ARHGEF10: variants seen among roughly 807,000 people sequenced by gnomAD.
ARHGEF10 encodes Rho guanine nucleotide exchange factor (GEF) 10.
Under a neutral mutation model 147.4 loss-of-function variants are expected in ARHGEF10, and 140 were observed. The ratio of observed to expected loss-of-function variants is 0.95; its 90% CI spans 0.83 to 1.09. The LOEUF (loss-of-function observed/expected upper bound fraction) is 1.09. Among genes scored for constraint, ARHGEF10 ranks in the 50% least tolerant of loss-of-function variants. ARHGEF10 has a pLI of 0.00. For synonymous variants in ARHGEF10, 902 were observed against 695.8 expected, an observed-to-expected ratio of 1.30 and a Z score of -4.67; for missense variants, 2,222 against 1,752.7, an observed-to-expected ratio of 1.27 and a Z score of -4.78.
At chr8:1,824,679 C>G (rs1802630397) in intron 1 of ARHGEF10, among the ~76,000 whole-genome samples, 1 of 110,634 alleles carries the variant, frequency 9.0e-6, no homozygotes, top group African/African-American at 3.6e-5. Context: ...CCTGTTTACC[C>G]TGCACCCCAG....
chr8:1,898,539 G>C lies in ARHGEF10; in HGVS notation c.1650+14G>C. The C allele has an allele frequency of 6.2e-7, 1 of 1,611,046 alleles. No homozygotes were observed. Among genetic ancestry groups the C allele is most frequent in the Non-Finnish European group, 8.5e-7 (1 of 1,177,296 alleles). The stretch of plus-strand genomic sequence containing the variant: ...CTCCTGCTCCAGGTAAGTGCTTCAC[G>C]GAGACCTCCTCAAGCTAGTCCTCTG... On this transcript the variant is annotated intron_variant, in intron 15 of 28. Coordinates refer to ENST00000349830, the MANE Select transcript of ARHGEF10 (RefSeq NM_014629.4).
At chr8:1,920,677 C>T (rs186623373) in intron 18 of ARHGEF10, among the ~76,000 whole-genome samples, 84 of 152,150 alleles carry the variant, frequency 5.5e-4, no homozygotes, top group Admixed American at 1.1e-3. Flanking sequence ...TCAAAGTTTG[C>T]GAATGAAAGC....
intron 27 of ARHGEF10, among the ~76,000 whole-genome samples, chr8:1,946,828 G>A (rs1260188959): frequency 2.0e-5 from 3 of 152,270 alleles, no homozygotes; most frequent in African/African-American, 4.8e-5. Flanking sequence ...GTTCCTCGGG[G>A]CCTCCGTGTC....
rs570442604 is a variant in ARHGEF10, at chr8:1,885,020, C to G, written c.1076-581C>G. Among the ~76,000 whole-genome samples, 41 of 152,316 alleles carry G rather than the reference C, an allele frequency of 2.7e-4. No individual in the cohort carries two copies. In the South Asian group the frequency reaches 6.4e-3, roughly 24 times the overall value. On this transcript the variant is annotated intron_variant, in intron 10 of 28. Coordinates refer to ENST00000349830, the MANE Select transcript of ARHGEF10 (RefSeq NM_014629.4). ...GCTCAAGCGATTCTACCATCTCGGTCTCCCAAAGTGCTGGGATTAGGGGAG... is the reference window on the plus strand; with the variant it reads ...GCTCAAGCGATTCTACCATCTCGGTGTCCCAAAGTGCTGGGATTAGGGGAG...
At chr8:1,940,278 T>C (rs981766009) in intron 26 of ARHGEF10, among the ~76,000 whole-genome samples, 2 of 152,126 alleles carry the variant, frequency 1.3e-5, no homozygotes, top group Non-Finnish European at 2.9e-5. Context: ...TTCCAGGGAG[T>C]AATTTCTGCT....
chr8:1,897,026 G>A (rs972814003), intron 14 of ARHGEF10, among the ~76,000 whole-genome samples: 12 of 152,182 alleles, frequency 7.9e-5, no homozygotes. Flanking sequence ...CGTGTCCGAG[G>A]CTGTGTTCTG....
rs918266847 is a variant in ARHGEF10, at chr8:1,928,447, A to G, written c.2718A>G (p.Gln906=). 6.2e-7 allele frequency: 1 copy of G among 1,614,050 alleles called. No individual in the cohort carries two copies. The highest frequency in any genetic ancestry group is 8.5e-7 in the Non-Finnish European group (1 of 1,179,960). ...GFLWIGSCTH[Q]MGQIAIVSFQ... is the part of the protein sequence containing the mutation. ...TTCAGATCGGAAGTTGCACCCATCA[A>G]ATGGGTCAGATTGCCATCGTCTCGT... The change falls in exon 24 of 29, where the codon CAA becomes CAG. Residue 906 remains glutamine (Q), a synonymous_variant. Coordinates refer to ENST00000349830, the MANE Select transcript of ARHGEF10 (RefSeq NM_014629.4).
rs754239893 is a variant in ARHGEF10, at chr8:1,894,461, C to A, written c.1329C>A (p.Phe443Leu). The change falls in exon 13 of 29, where the codon TTC (phenylalanine) becomes TTA (leucine). Residue 443 changes from phenylalanine (F) to leucine (L), a missense_variant. Physicochemically the swap from Phe to Leu is conservative, Grantham distance 22. Coordinates refer to ENST00000349830, the MANE Select transcript of ARHGEF10 (RefSeq NM_014629.4). ...VLSERKLKTV[F>L]YRVKEILQCH... ...GTGAGAGGAAGCTGAAGACGGTGTT[C>A]TACCGAGTCAAAGAGATCCTGCAGT... 2.5e-6 allele frequency: 4 copies of A among 1,614,228 alleles called. No homozygotes were observed. The Admixed American group carries it at 6.7e-5, about 27-fold the overall frequency.
At chr8:1,833,001 C>CAG (rs796921676) in intron 1 of ARHGEF10, among the ~76,000 whole-genome samples, 9 of 8,100 alleles carry the variant, frequency 1.1e-3, no homozygotes, top group Non-Finnish European at 1.7e-3. Context: ...GAGGCAGAGA[C>CAG]AGGCAGAGAG....
chr8:1,837,902 G>C (rs1803686135), intron 1 of ARHGEF10, among the ~76,000 whole-genome samples: 1 of 152,180 alleles, frequency 6.6e-6, no homozygotes, highest in Non-Finnish European at 1.5e-5. Context: ...TGAGGACTCG[G>C]GGTCGTGGGG....
intron 21 of ARHGEF10, 76 bp from the exon 22 acceptor site, chr8:1,925,207 A>G (rs1585560953): frequency 1.0e-5 from 16 of 1,595,192 alleles, no homozygotes; most frequent in Non-Finnish European, 1.3e-5. Flanking sequence ...TTCCCCTGCT[A>G]TGACCTGTGG....
chr8:1,859,839 G>T, intron 3 of ARHGEF10, 58 bp from the exon 4 acceptor site: 5 of 1,603,864 alleles, frequency 3.1e-6, no homozygotes, highest in Admixed American at 1.7e-5. Flanking sequence ...CTCCAGGAGG[G>T]CATGCCTGCC....
intron 11 of ARHGEF10, among the ~76,000 whole-genome samples, chr8:1,893,246 C>A (rs1809697480): frequency 6.6e-6 from 1 of 152,096 alleles, no homozygotes; most frequent in South Asian, 2.1e-4. Context: ...GTATCATCTA[C>A]CTGAATGTTG....
At chr8:1,939,902 G>C (rs1189578097) in intron 26 of ARHGEF10, among the ~76,000 whole-genome samples, 1 of 152,208 alleles carries the variant, frequency 6.6e-6, no homozygotes, top group African/African-American at 2.4e-5. Flanking sequence ...GCACAGTTCT[G>C]TGTAGTTTTC....
At chr8:1,875,592 G>T (rs879885662) in intron 7 of ARHGEF10, among the ~76,000 whole-genome samples, 2 of 152,196 alleles carry the variant, frequency 1.3e-5, no homozygotes, top group Non-Finnish European at 2.9e-5. Context: ...CTCATTTCAC[G>T]CATTTTATGG....
chr8:1,941,581 C>CT (rs981817206), intron 26 of ARHGEF10, among the ~76,000 whole-genome samples: 49 of 145,544 alleles, frequency 3.4e-4, no homozygotes, highest in Non-Finnish European at 4.2e-4. Context: ...TTTCTGCTGC[C>CT]TTTTTTTTTT....
At chr8:1,853,669 G>C (rs1324360869) in intron 2 of ARHGEF10, among the ~76,000 whole-genome samples, 2 of 152,232 alleles carry the variant, frequency 1.3e-5, no homozygotes, top group Non-Finnish European at 2.9e-5. Context: ...CTTTTGTGTT[G>C]GAAAGGGCTT....
At chr8:1,895,447 T>A (rs1809892880) in intron 13 of ARHGEF10, among the ~76,000 whole-genome samples, 1 of 152,248 alleles carries the variant, frequency 6.6e-6, no homozygotes, top group Non-Finnish European at 1.5e-5. Flanking sequence ...ATGTACTTGA[T>A]GAGGTCTATA....
intron 15 of ARHGEF10, among the ~76,000 whole-genome samples, chr8:1,902,444 T>C (rs1166671813): frequency 6.6e-6 from 1 of 152,192 alleles, no homozygotes; most frequent in Non-Finnish European, 1.5e-5. Context: ...ATACCCTCCC[T>C]TTGACCTCCT....
Sources: gnomAD v4.1 joint callset for allele counts (sites outside exome capture counted in the v4.1 genomes callset) on GRCh38, gnomAD v4.1.1 for gene constraint, MANE v1.5 for transcripts, NCBI Gene and HGNC (gene_info 2026-07-23, HGNC 2026-07-21) for gene names.